The following NID2 variants were observed in gnomAD, a reference collection of about 807,000 sequenced individuals.
NID2 encodes the protein nidogen-2.
NID2 carries 83 observed loss-of-function variants against 145.4 expected under a neutral mutation model. The observed-to-expected ratio is 0.57, with a 90% CI of 0.48 to 0.69. The LOEUF is 0.69. Among genes scored for constraint, NID2 ranks in the 30% least tolerant of loss-of-function variants. The pLI is 0.00. For synonymous variants in NID2, 739 were observed against 701.3 expected, an observed-to-expected ratio of 1.05 and a Z score of -0.85; for missense variants, 1,807 against 1,765.7, an observed-to-expected ratio of 1.02 and a Z score of -0.42.
At chr14:52,042,423 T>C in intron 6 of NID2, 73 bp from the exon 7 acceptor site, 1 of 1,495,026 alleles carries the variant, frequency 6.7e-7, no homozygotes, top group Admixed American at 2.1e-5. Flanking sequence ...GTATAATTAT[T>C]CCACTGACAA....
intron 11 of NID2, 166 bp downstream of exon 11, chr14:52,028,556 G>T: frequency 1.4e-6 from 1 of 719,616 alleles, no homozygotes. Flanking sequence ...TTACAGGCGT[G>T]AGCCACCACA....
chr14:52,023,552 CCT>C (rs1187581320), intron 12 of NID2, among the ~76,000 whole-genome samples: 1 of 152,110 alleles, frequency 6.6e-6, no homozygotes, highest in African/African-American at 2.4e-5. Context: ...CCCTCAGGCC[CCT>C]GAGTAATGAT....
chr14:52,062,218 A>G (rs932623179), intron 2 of NID2, among the ~76,000 whole-genome samples: 2 of 152,244 alleles, frequency 1.3e-5, no homozygotes, highest in African/African-American at 2.4e-5. Flanking sequence ...AAAATAAAAT[A>G]CAATCAGCAG....
At chr14:52,010,584 T>C (rs1151577) in intron 18 of NID2, 2,971 of 250,170 alleles carry the variant, frequency 0.012, 87 homozygotes, top group African/African-American at 0.06. Flanking sequence ...TGATTCAGAG[T>C]AGCCCTAGTT....
chr14:52,018,407 G>C (rs891574293), intron 14 of NID2, among the ~76,000 whole-genome samples: 1 of 152,148 alleles, frequency 6.6e-6, no homozygotes, highest in Non-Finnish European at 1.5e-5. Flanking sequence ...TGTTGGAATC[G>C]ACTGTGAGCA....
intron 20 of NID2, 187 bp from the exon 21 acceptor site, chr14:52,006,036 A>G (rs1890767030): frequency 1.7e-6 from 1 of 575,568 alleles, no homozygotes; most frequent in Non-Finnish European, 3.1e-6. Context: ...CTCTAGCTGC[A>G]TGTTAGAATC....
At chr14:52,013,446 C>T (rs1274970098) in intron 16 of NID2, among the ~76,000 whole-genome samples, 1 of 152,176 alleles carries the variant, frequency 6.6e-6, no homozygotes, top group Non-Finnish European at 1.5e-5. Flanking sequence ...CTGGCTGCCT[C>T]TAAGCTTTTC....
At chr14:52,009,233 G>C (rs903666371) in intron 18 of NID2, 2 of 152,152 alleles carry the variant, frequency 1.3e-5, no homozygotes, top group African/African-American at 4.8e-5. Context: ...GGTGGCCAGA[G>C]GGTACAGCAT....
rs1555363697 is a variant in NID2 at position 52,030,516 on chromosome 14, A to AAAGAAAG, written c.2258-827_2258-826insCTTTCTT. ...AAGAAAGAAAGAGAAAGAAAGAAAG[A>AAAGAAAG]AAAGAAAGAAAGAAAGAAAGAAAGA... On this transcript the variant is annotated intron_variant, in intron 9 of 21. Transcript: ENST00000216286. 3.0e-4 allele frequency among the ~76,000 whole-genome samples: 19 copies of AAAGAAAG among 63,098 alleles called. No individual in the cohort carries two copies. In the South Asian group the frequency reaches 3.9e-3, roughly 13 times the overall value. 41.4% of individuals were successfully genotyped at this position (63,098 alleles called of 152,430 possible).
intron 2 of NID2, among the ~76,000 whole-genome samples, chr14:52,066,984 C>T (rs1253190216): frequency 6.6e-6 from 1 of 152,102 alleles, no homozygotes; most frequent in Non-Finnish European, 1.5e-5. Flanking sequence ...ACGGCAGACT[C>T]CTATAAACTA....
intron 7 of NID2, among the ~76,000 whole-genome samples, chr14:52,041,445 T>C (rs1411592246): frequency 1.3e-5 from 2 of 152,204 alleles, no homozygotes; most frequent in African/African-American, 4.8e-5. Flanking sequence ...CTATTTTTAA[T>C]GCAATAAAGA....
In NID2 at chr14:52,005,486, T is replaced by G. The variant is rs1890734550; in HGVS notation, c.4128A>C (p.Ter1376TyrextTer3). ...CAAGTCTTCCTTTACATTACTGTAC[T>G]TACTTTCTTCCTGTGAGAGAAGAGC... is the stretch of plus-strand genomic sequence containing the variant. ...VYPYCPTGRK* is the reference protein window; with the variant it reads ...VYPYCPTGRKY Residue 1376 changes from the stop codon to tyrosine, a stop_lost, in exon 22 of 22, where the codon TAA (stop) becomes TAC (tyrosine). Transcript: ENST00000216286. 6.3e-7 allele frequency: 1 copy of G among 1,597,982 alleles called. No individual in the cohort carries two copies. Among genetic ancestry groups the G allele is most frequent in the Admixed American group, 1.8e-5 (1 of 56,648 alleles).
chr14:52,006,757 G>A (rs535662615), intron 19 of NID2, 97 bp from the exon 20 acceptor site: 4 of 1,338,222 alleles, frequency 3.0e-6, no homozygotes, highest in Admixed American at 1.9e-5. Context: ...TGGGGAAATA[G>A]GATATTTTAC....
In NID2 at chr14:52,052,416, G is replaced by T. The variant is rs144948268; in HGVS notation, c.1429+1163C>A. ...ACACGAAGCCAAGAACTTCACATAC[G>T]CTGTCTCATTGAATCCTCCCAAGTA... is the stretch of plus-strand genomic sequence containing the variant. On this transcript the variant is annotated intron_variant, in intron 5 of 21. Transcript: ENST00000216286. Among the ~76,000 whole-genome samples the T allele has an allele frequency of 4.2e-4, 64 of 152,218 alleles. 1 individual carries two copies. Among genetic ancestry groups the T allele is most frequent in the African/African-American group, 1.5e-3 (63 of 41,516 alleles).
At chr14:52,029,436 A>G (rs1891716371) in intron 10 of NID2, 111 bp downstream of exon 10, 9 of 976,126 alleles carry the variant, frequency 9.2e-6, no homozygotes, top group Non-Finnish European at 1.4e-5. Flanking sequence ...AAAATCATTG[A>G]CAATGGAGGT....
Position 52,015,310 on chromosome 14 carries a change from TTTGA to T in NID2, c.3029-39_3029-36del, listed in dbSNP as rs748517233. On this transcript the variant is annotated intron_variant, in intron 14 of 21. Coordinates refer to ENST00000216286, the MANE Select transcript of NID2 (RefSeq NM_007361.4). Reference sequence around the variant, plus strand: ...TGGGGAAGAGGGAAGAAGAAAAACCTTTGATTGTGAGTCAAGGACAGAATGCAAA... The same window carrying T: ...TGGGGAAGAGGGAAGAAGAAAAACCTTTGTGAGTCAAGGACAGAATGCAAA... 5.7e-6 allele frequency: 9 copies of T among 1,572,750 alleles called. No individual in the cohort carries two copies. In the East Asian group the frequency reaches 1.8e-4, roughly 32 times the overall value.
chr14:52,017,438 G>A (rs1024999395), intron 14 of NID2, among the ~76,000 whole-genome samples: 3 of 152,080 alleles, frequency 2.0e-5, no homozygotes, highest in African/African-American at 4.8e-5. Flanking sequence ...CCAAACCAGC[G>A]CCGAGAGAGT....
intron 2 of NID2, among the ~76,000 whole-genome samples, chr14:52,062,031 C>T (rs150171966): frequency 2.1e-4 from 32 of 152,326 alleles, no homozygotes; most frequent in African/African-American, 6.7e-4. Flanking sequence ...CATCACATTT[C>T]ACTGAAGGAA....
intron 5 of NID2, among the ~76,000 whole-genome samples, chr14:52,046,392 T>C (rs995701975): frequency 6.6e-6 from 1 of 151,534 alleles, no homozygotes; most frequent in African/African-American, 2.4e-5. Flanking sequence ...TTACAAGCTG[T>C]TCTGCCCACA....
Sources: allele counts gnomAD v4.1 joint callset (sites outside exome capture counted in the v4.1 genomes callset), GRCh38; gene constraint gnomAD v4.1.1; transcripts MANE v1.5; gene names NCBI Gene and HGNC (gene_info 2026-07-23, HGNC 2026-07-21).